TG: variants seen among roughly 807,000 people sequenced by gnomAD.
The protein encoded by TG is thyroid hormones.
TG carries 270 observed loss-of-function variants against 324.7 expected under a neutral mutation model. That is an observed-to-expected ratio of 0.83 (90% confidence interval 0.75 to 0.92). TG has a LOEUF of 0.92. TG is among the 40% of genes least tolerant of loss of function. The pLI is 0.00. For missense variants in TG, 3,591 were observed against 3,456.4 expected (o/e 1.04, Z -0.98); for synonymous variants, 1,401 against 1,327.0 (o/e 1.06, Z -1.21).
intron 35 of TG, chr8:133,002,780 A>G (rs1398733119): frequency 8.5e-6 from 2 of 236,306 alleles, no homozygotes; most frequent in Non-Finnish European, 1.6e-5. Context: ...AGCTATCTTG[A>G]CTCCCAGAGT....
chr8:133,042,492 T>A (rs574113083), intron 41 of TG, among the ~76,000 whole-genome samples: 2 of 152,234 alleles, frequency 1.3e-5, no homozygotes, highest in African/African-American at 4.8e-5. Flanking sequence ...TGCATCTTTT[T>A]TTTTTAACTG....
chr8:133,101,293 G>A (rs1849221696), intron 43 of TG, among the ~76,000 whole-genome samples: 1 of 152,174 alleles, frequency 6.6e-6, no homozygotes, highest in Non-Finnish European at 1.5e-5. Flanking sequence ...TCCCAACAGT[G>A]AGGAAACTCC....
chr8:133,007,072 A>G (rs577388823), intron 35 of TG, among the ~76,000 whole-genome samples: 16 of 152,180 alleles, frequency 1.1e-4, no homozygotes, highest in African/African-American at 3.6e-4. Flanking sequence ...GCTGTCCGGT[A>G]TTTTGTTGTT....
intron 11 of TG, 87 bp from the exon 12 acceptor site, chr8:132,897,562 G>T: frequency 1.9e-6 from 3 of 1,569,426 alleles, no homozygotes; most frequent in Admixed American, 3.3e-5. Flanking sequence ...CCTTATGTTG[G>T]AACCAGGACA....
At chr8:133,073,850 C>A (rs1326057844) in intron 41 of TG, among the ~76,000 whole-genome samples, 1 of 152,140 alleles carries the variant, frequency 6.6e-6, no homozygotes, top group Admixed American at 6.5e-5. Flanking sequence ...AGCCACCTAA[C>A]TTCTCTGAGC....
chr8:132,884,101 A>G (rs149049961), intron 8 of TG, among the ~76,000 whole-genome samples: 6 of 152,316 alleles, frequency 3.9e-5, no homozygotes, highest in African/African-American at 1.4e-4. Flanking sequence ...TCTTCTTACA[A>G]GGAGACCAGT....
rs757510967 is a variant in TG, at chr8:132,887,393, G to A, written c.2021G>A (p.Gly674Asp). ...AGGGCTCGCATGCAAAGCCTCATGGGCAGCCAGCCTGCTGGCTCCACCTTG... is the reference window on the plus strand; with the variant it reads ...AGGGCTCGCATGCAAAGCCTCATGGACAGCCAGCCTGCTGGCTCCACCTTG... ...KQRARMQSLMGSQPAGSTLFV... is the reference protein window; with the variant it reads ...KQRARMQSLMDSQPAGSTLFV... The change falls in exon 9 of 48, where the codon GGC becomes GAC. Residue 674 changes from glycine to aspartate, a missense_variant. Transcript: ENST00000220616. 1 of 1,614,056 alleles carries A rather than the reference G, an allele frequency of 6.2e-7. No homozygotes were observed.
chr8:133,068,201 C>A (rs1843392033), intron 41 of TG, among the ~76,000 whole-genome samples: 1 of 152,232 alleles, frequency 6.6e-6, no homozygotes, highest in Admixed American at 6.5e-5. Context: ...TGGATGAATG[C>A]ATGACTCCCT....
chr8:132,972,449 G>T (rs982065520), intron 33 of TG, 149 bp from the exon 34 acceptor site: 1 of 893,254 alleles, frequency 1.1e-6, no homozygotes, highest in Non-Finnish European at 1.7e-6. Context: ...AGGTTTTTCA[G>T]CAGTGGCTGA....
intron 41 of TG, among the ~76,000 whole-genome samples, chr8:133,084,296 CA>C (rs1353684535): frequency 6.6e-6 from 1 of 151,950 alleles, no homozygotes; most frequent in African/African-American, 2.4e-5. Context: ...AACAAAGCTG[CA>C]GAAAAAAATG....
chr8:132,871,518 T>A lies in TG; in HGVS notation c.445T>A (p.Tyr149Asn). The A allele has an allele frequency of 6.2e-7, 1 of 1,613,922 alleles. No homozygotes were observed. Among genetic ancestry groups the A allele is most frequent in the Non-Finnish European group, 8.5e-7 (1 of 1,179,924 alleles). The part of the protein sequence containing the change: ...WCVDAEGMEV[Y>N]GTRQLGRPKR... ...TGTGGACGCAGAGGGGATGGAGGTG[T>A]ATGGGACCCGCCAGCTGGGGAGGCC... The change falls in exon 4 of 48, where the codon TAT (tyrosine) becomes AAT (asparagine). Residue 149 changes from tyrosine to asparagine, a missense_variant. Transcript: ENST00000220616.
intron 15 of TG, 21 bp downstream of exon 15, chr8:132,900,360 G>A (rs1416769532): frequency 6.3e-7 from 1 of 1,598,494 alleles, no homozygotes; most frequent in East Asian, 2.2e-5. Context: ...GCCCCTCCTG[G>A]CATGGCTTCT....
chr8:133,104,425 G>A (rs1447116456), intron 43 of TG, among the ~76,000 whole-genome samples: 1 of 152,198 alleles, frequency 6.6e-6, no homozygotes, highest in African/African-American at 2.4e-5. Flanking sequence ...CTCTATTGTG[G>A]AAATCCAGGG....
intron 16 of TG, among the ~76,000 whole-genome samples, chr8:132,904,790 C>A (rs1034635329): frequency 2.0e-5 from 3 of 152,204 alleles, no homozygotes; most frequent in African/African-American, 7.2e-5. Context: ...CAGATCATTC[C>A]TGTGGGATAA....
At chr8:133,111,749 T>C (rs1465613840) in intron 43 of TG, among the ~76,000 whole-genome samples, 2 of 152,236 alleles carry the variant, frequency 1.3e-5, no homozygotes, top group Non-Finnish European at 2.9e-5. Context: ...ATGGTCAAAA[T>C]ATTTAAAAGT....
chr8:133,002,933 G>T, intron 35 of TG: 1 of 954,906 alleles, frequency 1.0e-6, no homozygotes, highest in South Asian at 4.0e-5. Context: ...ATACCTTTTT[G>T]AACAGTGCCC....
At chr8:132,904,775 A>G (rs1338973216) in intron 16 of TG, among the ~76,000 whole-genome samples, 1 of 152,208 alleles carries the variant, frequency 6.6e-6, no homozygotes, top group East Asian at 1.9e-4. Flanking sequence ...GAAAAACCAC[A>G]GGTGCAGATC....
At chr8:132,895,766 C>G (rs1817000451) in intron 11 of TG, among the ~76,000 whole-genome samples, 1 of 152,216 alleles carries the variant, frequency 6.6e-6, no homozygotes, top group Admixed American at 6.5e-5. Flanking sequence ...GGGATTGGTG[C>G]TCCTTCAGTT....
chr8:132,895,312 T>G lies in TG; in HGVS notation c.3001+1383T>G, dbSNP rs10092528. 5.2e-3 allele frequency among the ~76,000 whole-genome samples: 785 copies of G among 152,290 alleles called. 7 individuals are homozygous for G. The highest frequency in any genetic ancestry group is 0.017 in the African/African-American group (722 of 41,552). ...TCTGCTCCAAGTCAAAGAGAATCCCTCCAGCAGGAGGGCAGCTCCCTGCCT... is the reference window on the plus strand; with the variant it reads ...TCTGCTCCAAGTCAAAGAGAATCCCGCCAGCAGGAGGGCAGCTCCCTGCCT... On this transcript the variant is annotated intron_variant, in intron 11 of 47. Coordinates refer to ENST00000220616, the MANE Select transcript of TG (RefSeq NM_003235.5).
Sources: allele counts gnomAD v4.1 joint callset (sites outside exome capture counted in the v4.1 genomes callset), GRCh38; gene constraint gnomAD v4.1.1; transcripts MANE v1.5; gene names NCBI Gene and HGNC (gene_info 2026-07-23, HGNC 2026-07-21).